Variants in ADK observed in about 807,000 individuals in gnomAD.
ADK encodes N6,N6-dimethyladenosine kinase.
Under a neutral mutation model 44.7 loss-of-function variants are expected in ADK, and 24 were observed. That is an observed-to-expected ratio of 0.54 (90% confidence interval 0.39 to 0.76). The LOEUF (loss-of-function observed/expected upper bound fraction) is 0.76. Ranked by LOEUF, ADK falls within the 30% of genes least tolerant of loss-of-function variation. The pLI, the probability that ADK is intolerant of heterozygous loss-of-function variation, is 0.00. For synonymous variants in ADK, 128 were observed against 142.6 expected (o/e 0.90, Z 0.73); for missense variants, 321 against 425.1 (o/e 0.76, Z 2.15).
intron 10 of ADK, among the ~76,000 whole-genome samples, chr10:74,673,903 G>A (rs1306376972): frequency 6.6e-6 from 1 of 152,130 alleles, no homozygotes; most frequent in African/African-American, 2.4e-5. Flanking sequence ...CCAAAGCTAT[G>A]CCATCAAGCT....
intron 6 of ADK, among the ~76,000 whole-genome samples, chr10:74,432,882 A>G (rs1384593022): frequency 6.6e-6 from 1 of 152,212 alleles, no homozygotes; most frequent in Non-Finnish European, 1.5e-5. Flanking sequence ...AGAAAAGAGT[A>G]GATAAACTGA....
intron 7 of ADK, among the ~76,000 whole-genome samples, chr10:74,555,396 G>A (rs1850203050): frequency 6.6e-6 from 1 of 151,998 alleles, no homozygotes; most frequent in Non-Finnish European, 1.5e-5. Context: ...AGTGCCATAA[G>A]CCAGAATTAT....
intron 6 of ADK, among the ~76,000 whole-genome samples, chr10:74,403,277 A>G (rs1002905212): frequency 6.6e-6 from 1 of 152,196 alleles, no homozygotes; most frequent in Non-Finnish European, 1.5e-5. Flanking sequence ...AAGCTGTCAG[A>G]CAGGGACATT....
chr10:74,281,523 T>A lies in ADK; in HGVS notation c.195-33144T>A, dbSNP rs553098950. Among the ~76,000 whole-genome samples the A allele has an allele frequency of 5.3e-5, 8 of 152,302 alleles. No individual in the cohort carries two copies. In the South Asian group the frequency reaches 1.2e-3, roughly 24 times the overall value. The stretch of plus-strand genomic sequence containing the variant: ...GGACAAAAAGTCATCACACTAAAGA[T>A]GACACAGGAAAAACAAGGAAAGAAC... On this transcript the variant is annotated intron_variant, in intron 3 of 10. Transcript: ENST00000539909.
At chr10:74,401,041 T>TA (rs1403058290) in intron 6 of ADK, among the ~76,000 whole-genome samples, 1 of 152,256 alleles carries the variant, frequency 6.6e-6, no homozygotes, top group East Asian at 1.9e-4. Flanking sequence ...ATTTATTTTT[T>TA]ACCTTTCATA....
At chr10:74,661,497 A>T (rs1854725270) in intron 9 of ADK, among the ~76,000 whole-genome samples, 1 of 152,184 alleles carries the variant, frequency 6.6e-6, no homozygotes, top group Admixed American at 6.5e-5. Context: ...AAAGCATTTG[A>T]TGCAGTGCTT....
At chr10:74,430,117 G>C (rs746316799) in intron 6 of ADK, among the ~76,000 whole-genome samples, 38 of 152,118 alleles carry the variant, frequency 2.5e-4, no homozygotes, top group Non-Finnish European at 5.4e-4. Context: ...CCAGGATTTT[G>C]AATCCATCAG....
At chr10:74,369,140 C>T (rs903121048) in intron 4 of ADK, among the ~76,000 whole-genome samples, 8 of 152,036 alleles carry the variant, frequency 5.3e-5, no homozygotes, top group South Asian at 2.1e-4. Flanking sequence ...GTGGATCGCT[C>T]GAGTCTAGGA....
At chr10:74,407,075 G>A (rs1193345362) in intron 6 of ADK, among the ~76,000 whole-genome samples, 2 of 150,616 alleles carry the variant, frequency 1.3e-5, no homozygotes, top group Non-Finnish European at 2.9e-5. Flanking sequence ...CCCCACCTCA[G>A]CCTCCCAAGT....
chr10:74,682,575 CTTTTT>C (rs11298231), intron 10 of ADK, among the ~76,000 whole-genome samples: 2 of 133,024 alleles, frequency 1.5e-5, no homozygotes, highest in African/African-American at 5.9e-5. Flanking sequence ...CTTTTCTTTT[CTTTTT>C]TTTTTTTTTT....
intron 1 of ADK, among the ~76,000 whole-genome samples, chr10:74,187,527 C>G (rs1591824467): frequency 6.6e-6 from 1 of 152,134 alleles, no homozygotes; most frequent in African/African-American, 2.4e-5. Flanking sequence ...CTCTTTCTCT[C>G]TCTCTCTCTA....
intron 6 of ADK, among the ~76,000 whole-genome samples, chr10:74,517,521 T>C (rs1434740063): frequency 6.6e-6 from 1 of 151,872 alleles, no homozygotes; most frequent in Non-Finnish European, 1.5e-5. Flanking sequence ...AAATCCTGTT[T>C]CTACTAAAAA....
chr10:74,339,745 C>T (rs1841523574), intron 4 of ADK, among the ~76,000 whole-genome samples: 1 of 152,166 alleles, frequency 6.6e-6, no homozygotes, highest in Admixed American at 6.5e-5. Flanking sequence ...CATGAGATTA[C>T]CTAACCTATT....
At chr10:74,407,410 A>G (rs1426378875) in intron 6 of ADK, among the ~76,000 whole-genome samples, 2 of 152,206 alleles carry the variant, frequency 1.3e-5, no homozygotes, top group Non-Finnish European at 2.9e-5. Flanking sequence ...CCATATCTCT[A>G]CATAGTATGC....
intron 6 of ADK, among the ~76,000 whole-genome samples, chr10:74,497,214 G>A (rs1223375821): frequency 1.7e-4 from 26 of 152,224 alleles, no homozygotes; most frequent in Admixed American, 1.6e-3. Context: ...CTTTATGGTG[G>A]AGTAAGGGTG....
At chr10:74,634,704 G>A (rs1049216728) in intron 9 of ADK, among the ~76,000 whole-genome samples, 1 of 152,086 alleles carries the variant, frequency 6.6e-6, no homozygotes, top group Non-Finnish European at 1.5e-5. Context: ...CAGCACTTTT[G>A]GAAGCCAGGG....
intron 6 of ADK, chr10:74,509,529 G>A (rs909558860): frequency 6.6e-6 from 1 of 152,144 alleles, no homozygotes; most frequent in Admixed American, 6.5e-5. Context: ...ATAGTAATCA[G>A]ACAGGGATAA....
intron 7 of ADK, among the ~76,000 whole-genome samples, chr10:74,531,977 A>G (rs577515093): frequency 6.6e-6 from 1 of 152,360 alleles, no homozygotes; most frequent in East Asian, 1.9e-4. Context: ...ATTGCAAGAA[A>G]ACTACAGACC....
At chr10:74,589,046 T>C (rs542750230) in intron 7 of ADK, among the ~76,000 whole-genome samples, 2 of 152,324 alleles carry the variant, frequency 1.3e-5, no homozygotes, top group South Asian at 2.1e-4. Context: ...TAAAAACATG[T>C]ACTACATCTT....
Sources: allele counts gnomAD v4.1 joint callset (sites outside exome capture counted in the v4.1 genomes callset), GRCh38; gene constraint gnomAD v4.1.1; transcripts MANE v1.5; gene names NCBI Gene and HGNC (gene_info 2026-07-23, HGNC 2026-07-21).